C21orf58: variants seen among roughly 807,000 people sequenced by gnomAD.
The protein encoded by C21orf58 is uncharacterized protein C21orf58.
C21orf58 carries 34 observed loss-of-function variants against 35.8 expected under a neutral mutation model. That is an observed-to-expected ratio of 0.95 (90% CI 0.72 to 1.26). C21orf58 has a LOEUF of 1.26. Among genes scored for constraint, C21orf58 ranks in the 50% most tolerant of loss-of-function variants. The probability of loss-of-function intolerance (pLI) is 0.00; values close to 1 mark genes in which losing one functional copy is unlikely to be tolerated. For synonymous variants in C21orf58, 191 were observed against 175.8 expected, an observed-to-expected ratio of 1.09 and a Z score of -0.68; for missense variants, 440 against 414.3, an observed-to-expected ratio of 1.06 and a Z score of -0.54.
intron 1 of C21orf58, among the ~76,000 whole-genome samples, chr21:46,320,252 G>A (rs543861138): frequency 2.5e-4 from 38 of 151,974 alleles, no homozygotes; most frequent in Middle Eastern, 3.4e-3. Flanking sequence ...ACAGGTGCAC[G>A]CCACCACGCC....
chr21:46,303,790 C>CGCCG (rs2082286465), intron 6 of C21orf58, among the ~76,000 whole-genome samples: 1 of 122,778 alleles, frequency 8.1e-6, no homozygotes. Context: ...CTTGCTCTGT[C>CGCCG]GCCGAGGCTG....
intron 5 of C21orf58, among the ~76,000 whole-genome samples, chr21:46,312,036 T>TACCCAACCAACCAACC (rs2082748574): frequency 3.7e-5 from 1 of 27,336 alleles, no homozygotes; most frequent in Non-Finnish European, 7.2e-5. Context: ...CCCATCCACC[T>TACCCAACCAACCAACC]ACCCAACCAA....
intron 4 of C21orf58, 166 bp downstream of exon 4, chr21:46,315,308 C>A: frequency 1.6e-6 from 1 of 606,464 alleles, no homozygotes; most frequent in Non-Finnish European, 2.9e-6. Context: ...CTGATGGAAA[C>A]CTGCACCCAG....
intron 3 of C21orf58, 44 bp downstream of exon 3, chr21:46,317,164 T>G (rs934878385): frequency 6.3e-7 from 1 of 1,588,804 alleles, no homozygotes; most frequent in Non-Finnish European, 8.6e-7. Flanking sequence ...GTGGCTACAC[T>G]TGCGTCTGTC....
In C21orf58 at chr21:46,323,363, T is replaced by G. The variant is rs1459608927; in HGVS notation, c.-625A>C. 2 of 152,212 alleles carry G rather than the reference T, an allele frequency of 1.3e-5. No homozygotes were observed. Among genetic ancestry groups the G allele is most frequent in the African/African-American group, 4.8e-5 (2 of 41,440 alleles). 9.4% of individuals were successfully genotyped at this position (152,212 alleles called of 1,614,324 possible). ...TGGGACCACGAACCCACGGCCCCAT[T>G]TCTCTTCTGTCTACTAAAAACCTTT... On this transcript the variant is annotated 5_prime_UTR_variant, in exon 1 of 8. Coordinates refer to ENST00000291691, the MANE Select transcript of C21orf58 (RefSeq NM_058180.5).
intron 5 of C21orf58, chr21:46,313,193 G>A (rs1386199362): frequency 1.7e-5 from 5 of 288,160 alleles, no homozygotes; most frequent in African/African-American, 6.8e-5. Flanking sequence ...AAATGGGCCT[G>A]GCCCAATAAA....
chr21:46,320,440 C>A (rs546695026), intron 1 of C21orf58, among the ~76,000 whole-genome samples: 3 of 136,264 alleles, frequency 2.2e-5, no homozygotes, highest in Non-Finnish European at 3.0e-5. Context: ...GCCAGGCAGG[C>A]GGAAGTTGCA....
downstream of C21orf58, chr21:46,300,583 G>A: frequency 1.8e-6 from 2 of 1,094,312 alleles, no homozygotes; most frequent in Non-Finnish European, 2.3e-6. Flanking sequence ...ATGGTTCTGA[G>A]AGAAGTGAGT....
In C21orf58 at chr21:46,310,885, T is replaced by C. The variant is rs1172199042; in HGVS notation, c.721+571A>G. The stretch of plus-strand genomic sequence containing the variant: ...AAAGCTATTATTATTATTATTATTT[T>C]TGAGACAGAGTCTCACTCTGTCGCC... On this transcript the variant is annotated intron_variant, in intron 6 of 7. Transcript: ENST00000291691. 2.0e-5 allele frequency among the ~76,000 whole-genome samples: 3 copies of C among 151,980 alleles called. No homozygotes were observed. In the East Asian group the frequency reaches 5.8e-4, roughly 29 times the overall value.
chr21:46,301,794 A>G lies in C21orf58; in HGVS notation c.*205T>C. ...CCCCTCACTGCAGGGGACCCGGAGC[A>G]AGGGATGCCCCCTGGAATGGCCCCG... On this transcript the variant is annotated 3_prime_UTR_variant, in exon 8 of 8. Transcript: ENST00000291691. The G allele has an allele frequency of 8.0e-7, 1 of 1,242,986 alleles. No homozygotes were observed. Among genetic ancestry groups the G allele is most frequent in the Non-Finnish European group, 1.0e-6 (1 of 994,476 alleles). The allele number at this position is 1,242,986 out of a possible 1,614,324, so 77.0% of individuals were successfully genotyped here.
chr21:46,303,071 T>G (rs4819234), intron 6 of C21orf58, among the ~76,000 whole-genome samples: 152,273 of 152,276 alleles, frequency 1, 76,135 homozygotes, highest in Middle Eastern at 1. Context: ...GGCTGAGGCA[T>G]GAGAATCGCT....
chr21:46,322,452 C>A, intron 1 of C21orf58, 187 bp downstream of exon 1: 1 of 985,144 alleles, frequency 1.0e-6, no homozygotes, highest in African/African-American at 1.7e-5. Flanking sequence ...TAACACGTAA[C>A]AGTTGTGAGA....
chr21:46,311,870 T>C (rs2082725991), intron 5 of C21orf58, among the ~76,000 whole-genome samples: 1 of 125,232 alleles, frequency 8.0e-6, no homozygotes, highest in African/African-American at 3.1e-5. Flanking sequence ...TACCCATCCA[T>C]CCAACCAGCC....
chr21:46,302,403 A>G (rs771512886), intron 7 of C21orf58, 82 bp downstream of exon 7: 41 of 1,195,484 alleles, frequency 3.4e-5, no homozygotes, highest in Non-Finnish European at 4.7e-5. Context: ...TTTCAGAGCT[A>G]CACAGATGCA....
rs761125442 is a variant in C21orf58 at position 46,311,567 on chromosome 21, C to G, written c.610G>C (p.Val204Leu). ...ATGATGGTGGCAGGAGGCTGGGGGA[C>G]CTAGGAACAGCCAGGTGATTAGCTA... The part of the protein sequence containing the change: ...PDPPRIILPT[V>L]PQPPATIIQQ... Residue 204 changes from valine (V) to leucine (L), a missense_variant and splice_region_variant, in exon 6 of 8, where the codon GTC (valine) becomes CTC (leucine). Physicochemically the swap from Val to Leu is conservative, Grantham distance 32. Transcript: ENST00000291691. 32 of 1,598,396 alleles carry G rather than the reference C, an allele frequency of 2.0e-5. No individual in the cohort carries two copies. The highest frequency in any genetic ancestry group is 2.3e-5 in the Non-Finnish European group (27 of 1,169,390).
intron 6 of C21orf58, among the ~76,000 whole-genome samples, chr21:46,305,359 TCA>T (rs1037907649): frequency 7.0e-6 from 1 of 142,286 alleles, no homozygotes; most frequent in Non-Finnish European, 1.5e-5. Flanking sequence ...AGACAGGGTC[TCA>T]CTCTGTTGCC....
rs1226158011 is a variant in C21orf58, at chr21:46,323,384, C to CCTTTT, written c.-651_-647dup. The CCTTTT allele has an allele frequency of 6.8e-6, 1 of 147,890 alleles. No individual in the cohort carries two copies. The highest frequency in any genetic ancestry group is 2.4e-5 in the African/African-American group (1 of 40,960). The allele number at this position is 147,890 out of a possible 1,614,324, so 9.2% of individuals were successfully genotyped here. On this transcript the variant is annotated 5_prime_UTR_variant, in exon 1 of 8. Coordinates refer to ENST00000291691, the MANE Select transcript of C21orf58 (RefSeq NM_058180.5). ...CCATTTCTCTTCTGTCTACTAAAAACCTTTTCTTTTCTTTTTTTTTTGAGA... is the reference window on the plus strand; with the variant it reads ...CCATTTCTCTTCTGTCTACTAAAAACCTTTTCTTTTCTTTTCTTTTTTTTTTGAGA...
chr21:46,304,561 C>T lies in C21orf58; in HGVS notation c.722-1985G>A, dbSNP rs550303057. The stretch of plus-strand genomic sequence containing the variant: ...TGAAAAAGTGAAATGCAAATTAAAC[C>T]AGAATGAACTTCCATAAGATGCCCA... On this transcript the variant is annotated intron_variant, in intron 6 of 7. Transcript: ENST00000291691. 6.6e-5 allele frequency among the ~76,000 whole-genome samples: 10 copies of T among 151,858 alleles called. No homozygotes were observed. The East Asian group carries it at 1.9e-3, about 30-fold the overall frequency.
chr21:46,307,717 A>G (rs897322751), intron 6 of C21orf58, among the ~76,000 whole-genome samples: 2 of 152,170 alleles, frequency 1.3e-5, no homozygotes, highest in Admixed American at 1.3e-4. Context: ...AAGTCAGCAC[A>G]GGGGTTGGGA....
Sources: allele counts gnomAD v4.1 joint callset (sites outside exome capture counted in the v4.1 genomes callset), GRCh38; gene constraint gnomAD v4.1.1; transcripts MANE v1.5; gene names NCBI Gene and HGNC (gene_info 2026-07-23, HGNC 2026-07-21).